The following GABRA3 variants were observed in gnomAD, a reference collection of about 807,000 sequenced individuals.
GABRA3 encodes the protein gamma-aminobutyric acid type A receptor subunit alpha3, also known as gamma-aminobutyric acid receptor subunit alpha-3.
A neutral mutation model predicts 30.1 loss-of-function variants in GABRA3; 10 were observed. The ratio of observed to expected loss-of-function variants is 0.33; its 90% confidence interval spans 0.20 to 0.56. The LOEUF (loss-of-function observed/expected upper bound fraction) is 0.56. GABRA3 is among the 20% of genes least tolerant of loss of function. The pLI is 0.89. For synonymous variants in GABRA3, 151 were observed against 146.8 expected (o/e 1.03, Z -0.21); for missense variants, 233 against 392.0 (o/e 0.59, Z 3.42).
At chrX:152,405,505 T>C (rs1189901594) in intron 1 of GABRA3, among the ~76,000 whole-genome samples, 5 of 109,038 alleles carry the variant, frequency 4.6e-5, no homozygotes, top group East Asian at 2.9e-4. Context: ...AGCTATGATG[T>C]ATAGGGCCTG....
At chrX:152,305,863 A>C (rs933362076) in intron 3 of GABRA3, among the ~76,000 whole-genome samples, 4 of 111,903 alleles carry the variant, frequency 3.6e-5, no homozygotes, top group Admixed American at 2.8e-4. Flanking sequence ...AAACTGTTCT[A>C]TGAATATATG....
chrX:152,200,650 T>A, intron 7 of GABRA3, among the ~76,000 whole-genome samples: 1 of 111,439 alleles, frequency 9.0e-6, no homozygotes. Flanking sequence ...GCTTATGCAA[T>A]TCTCCCTCTT....
chrX:152,393,553 A>C (rs1399261392), intron 1 of GABRA3: 1 of 332,789 alleles, frequency 3.0e-6, no homozygotes. Context: ...ACAAGAGTGA[A>C]TAACACAATG....
At chrX:152,335,971 T>TTAA (rs1424434465) in intron 3 of GABRA3, among the ~76,000 whole-genome samples, 1 of 111,610 alleles carries the variant, frequency 9.0e-6, no homozygotes, top group Non-Finnish European at 1.9e-5. Context: ...TCCTCCTGCC[T>TTAA]TAACCTCCCA....
chrX:152,289,973 A>C (rs748210167), intron 3 of GABRA3, among the ~76,000 whole-genome samples: 50 of 112,087 alleles, frequency 4.5e-4, no homozygotes, highest in African/African-American at 1.5e-3. Flanking sequence ...TGCCACAATA[A>C]ACATATGTGT....
At chrX:152,284,294 T>C (rs1488674348) in intron 4 of GABRA3, among the ~76,000 whole-genome samples, 1 of 111,487 alleles carries the variant, frequency 9.0e-6, no homozygotes, top group Non-Finnish European at 1.9e-5. Flanking sequence ...ACCAGCTGCT[T>C]TACTGAGAAT....
intron 3 of GABRA3, among the ~76,000 whole-genome samples, chrX:152,343,647 T>A (rs1410354022): frequency 1.8e-5 from 2 of 111,229 alleles, no homozygotes; most frequent in Non-Finnish European, 3.8e-5. Context: ...AAAATTGCAA[T>A]TAATTTGTGA....
At chrX:152,211,896 C>T (rs1482372301) in intron 6 of GABRA3, among the ~76,000 whole-genome samples, 2 of 110,615 alleles carry the variant, frequency 1.8e-5, no homozygotes, top group African/African-American at 6.6e-5. Context: ...ACAACATAGC[C>T]AAGGCAAAAA....
rs1277358386 is a variant in GABRA3, at chrX:152,240,090, C to T, written c.552-15245G>A. Among the ~76,000 whole-genome samples the T allele has an allele frequency of 9.2e-5, 9 of 97,585 alleles. 1 individual carries two copies. Among genetic ancestry groups the T allele is most frequent in the Non-Finnish European group, 1.2e-4 (6 of 50,529 alleles). 84.7% of individuals were successfully genotyped at this position (97,585 alleles called of 115,157 possible). ...AGTTGATGCAGTTTCTTCCTAGTCT[C>T]GATGGTCTTTACATTTTGGCATGAT... On this transcript the variant is annotated intron_variant, in intron 5 of 9. Coordinates refer to ENST00000370314, the MANE Select transcript of GABRA3 (RefSeq NM_000808.4).
chrX:152,335,405 G>C (rs1222955125), intron 3 of GABRA3, among the ~76,000 whole-genome samples: 2 of 111,491 alleles, frequency 1.8e-5, no homozygotes, highest in Non-Finnish European at 3.8e-5. Flanking sequence ...TTCAAGCCTA[G>C]GGGTGCTCTC....
At chrX:152,306,452 T>C (rs1939722491) in intron 3 of GABRA3, among the ~76,000 whole-genome samples, 1 of 112,209 alleles carries the variant, frequency 8.9e-6, no homozygotes, top group Non-Finnish European at 1.9e-5. Context: ...GTACAAATAG[T>C]ATTCTCAGTT....
Position 152,382,271 on chromosome X carries a change from A to G in GABRA3, c.-26-17675T>C, listed in dbSNP as rs192727000. 5.3e-5 allele frequency among the ~76,000 whole-genome samples: 6 copies of G among 112,431 alleles called. No homozygotes were observed. In the East Asian group the frequency reaches 1.7e-3, roughly 32 times the overall value. On this transcript the variant is annotated intron_variant, in intron 1 of 9. Transcript: ENST00000370314. ...TCAGAATGGCGATCATTAAAAAGTC[A>G]AGAAACAACAGATGCTGGAGAGGAT...
chrX:152,231,303 G>A (rs1302320529), intron 5 of GABRA3, among the ~76,000 whole-genome samples: 1 of 106,871 alleles, frequency 9.4e-6, no homozygotes, highest in Non-Finnish European at 1.9e-5. Context: ...GTATATATAC[G>A]TGTGTGTACA....
chrX:152,412,327 C>T (rs902663606), intron 1 of GABRA3, among the ~76,000 whole-genome samples: 2 of 111,275 alleles, frequency 1.8e-5, no homozygotes, highest in Non-Finnish European at 3.8e-5. Context: ...TGGGTATATA[C>T]CCAAAAAAGT....
chrX:152,278,667 T>C (rs1333973077), intron 4 of GABRA3, among the ~76,000 whole-genome samples: 1 of 111,523 alleles, frequency 9.0e-6, no homozygotes, highest in Non-Finnish European at 1.9e-5. Context: ...TAGTTCTAGA[T>C]CCCTGAGGAA....
chrX:152,241,503 C>A (rs1475708159), intron 5 of GABRA3, among the ~76,000 whole-genome samples: 2 of 107,359 alleles, frequency 1.9e-5, no homozygotes, highest in Non-Finnish European at 3.9e-5. Context: ...CAGAGGCAGG[C>A]AGGCCTCCTT....
At chrX:152,350,093 T>G (rs1400298955) in intron 2 of GABRA3, among the ~76,000 whole-genome samples, 11 of 97,791 alleles carry the variant, frequency 1.1e-4, no homozygotes, top group East Asian at 3.4e-4. Context: ...GAACAGAAAT[T>G]ATAACAAACT....
chrX:152,368,830 C>T (rs1157751889), intron 1 of GABRA3, among the ~76,000 whole-genome samples: 7 of 106,113 alleles, frequency 6.6e-5, no homozygotes, highest in Admixed American at 2.0e-4. Context: ...CTCAGCCTCC[C>T]GAGTAGCTGG....
At chrX:152,225,678 AT>A (rs778734899) in intron 5 of GABRA3, among the ~76,000 whole-genome samples, 5,004 of 101,161 alleles carry the variant, frequency 0.049, 133 homozygotes, top group African/African-American at 0.094. Context: ...TCCCCTTCTG[AT>A]TTTTTTTTTT....
Sources: gnomAD v4.1 joint callset for allele counts (sites outside exome capture counted in the v4.1 genomes callset) on GRCh38, gnomAD v4.1.1 for gene constraint, MANE v1.5 for transcripts, NCBI Gene and HGNC (gene_info 2026-07-23, HGNC 2026-07-21) for gene names.